The following TLE4 variants were observed in gnomAD, a reference collection of about 807,000 sequenced individuals.
TLE4 encodes TLE family member 4, transcriptional corepressor.
TLE4 carries 8 observed loss-of-function variants against 92.8 expected under a neutral mutation model. The observed-to-expected ratio is 0.09, with a 90% CI of 0.05 to 0.16. The LOEUF (loss-of-function observed/expected upper bound fraction) is 0.16, where lower values mean the gene tolerates loss of function less well. TLE4 is among the 10% of genes least tolerant of loss of function. The probability of loss-of-function intolerance (pLI) is 1.00; values close to 1 mark genes in which losing one functional copy is unlikely to be tolerated. For missense variants in TLE4, 675 were observed against 997.6 expected (o/e 0.68, Z 4.36); for synonymous variants, 371 against 374.1 (o/e 0.99, Z 0.10).
At chr9:79,582,315 T>A (rs1398855506) in intron 4 of TLE4, among the ~76,000 whole-genome samples, 1 of 152,202 alleles carries the variant, frequency 6.6e-6, no homozygotes, top group Non-Finnish European at 1.5e-5. Context: ...CCTTAATCCC[T>A]GCTGGATATT....
Position 79,573,683 on chromosome 9 carries a change from C to A in TLE4, c.46-6C>A. 1.3e-6 allele frequency: 2 copies of A among 1,591,360 alleles called. No individual in the cohort carries two copies. The highest frequency in any genetic ancestry group is 1.7e-6 in the Non-Finnish European group (2 of 1,163,646). On this transcript the variant is annotated splice_polypyrimidine_tract_variant and splice_region_variant and intron_variant, in intron 1 of 19. Transcript: ENST00000376552. The stretch of plus-strand genomic sequence containing the variant: ...GCTAATTAAATATTTTATTGTTGTT[C>A]TTCAGGCACCGCATCAGCCTGCTCA...
Position 79,708,172 on chromosome 9 carries a change from G to C in TLE4, c.991G>C (p.Asp331His). The C allele has an allele frequency of 6.2e-7, 1 of 1,614,092 alleles. No individual in the cohort carries two copies. Among genetic ancestry groups the C allele is most frequent in the Non-Finnish European group, 8.5e-7 (1 of 1,179,994 alleles). ...SKSNTPTPRT[D>H]APTPGSNSTP... ...GTCCAATACCCCTACTCCACGAACT[G>C]ATGCGCCCACCCCAGGCAGTAACTC... The change falls in exon 12 of 20, where the codon GAT (aspartate) becomes CAT (histidine). Residue 331 changes from aspartate (D) to histidine (H), a missense_variant. By Grantham distance (81) the Asp-to-His change is moderately conservative. Around this residue, in one of 5 missense-constraint regions of TLE4, gnomAD observed 280 missense variants for 287.3 expected, o/e 0.97. Transcript: ENST00000376552.
Position 79,572,243 on chromosome 9 carries a change from G to T in TLE4, c.-548G>T. 1 of 152,160 alleles carries T rather than the reference G, an allele frequency of 6.6e-6. No homozygotes were observed. Among genetic ancestry groups the T allele is most frequent in the East Asian group, 1.9e-4 (1 of 5,198 alleles). The allele number at this position is 152,160 out of a possible 1,614,324, so 9.4% of individuals were successfully genotyped here. A position where few individuals can be genotyped will look rare whatever the true frequency, so the allele number is the denominator to read the frequency against. ...GTGCCTTTTAAAAGATCGTTGCTGT[G>T]AAGTGAAAAAAATCTCCAGAGAAAC... On this transcript the variant is annotated 5_prime_UTR_variant, in exon 1 of 20. Coordinates refer to ENST00000376552, the MANE Select transcript of TLE4 (RefSeq NM_007005.6).
rs141444346 is a variant in TLE4 at position 79,622,449 on chromosome 9, T to G, written c.316-4925T>G. ...CCTCATTCTTCATCTACAGAATTCC[T>G]GGAAATCCTTCAGGTCTCAGTTGTC... On this transcript the variant is annotated intron_variant, in intron 5 of 19. Transcript: ENST00000376552. 2.9e-3 allele frequency among the ~76,000 whole-genome samples: 437 copies of G among 152,284 alleles called. 1 individual carries two copies. Among genetic ancestry groups the G allele is most frequent in the Middle Eastern group, 0.027 (8 of 294 alleles).
chr9:79,646,298 A>C (rs1161134760), intron 6 of TLE4, among the ~76,000 whole-genome samples: 1 of 152,190 alleles, frequency 6.6e-6, no homozygotes. Context: ...GGCAGAGGAC[A>C]GTTTTGACTT....
intron 8 of TLE4, among the ~76,000 whole-genome samples, chr9:79,676,514 G>A (rs1009757726): frequency 2.2e-4 from 33 of 152,290 alleles, no homozygotes; most frequent in African/African-American, 7.2e-4. Flanking sequence ...GGAGGGTCAG[G>A]AGGAGATGGC....
At chr9:79,602,130 T>A (rs1444113754) in intron 4 of TLE4, among the ~76,000 whole-genome samples, 1 of 152,174 alleles carries the variant, frequency 6.6e-6, no homozygotes, top group Non-Finnish European at 1.5e-5. Flanking sequence ...GAAGAAAGGT[T>A]TGAAGCTAGC....
chr9:79,632,473 C>T (rs2054554539), intron 6 of TLE4, among the ~76,000 whole-genome samples: 1 of 152,110 alleles, frequency 6.6e-6, no homozygotes, highest in Non-Finnish European at 1.5e-5. Flanking sequence ...CTCCACTTTC[C>T]CGGCAGACAC....
At chr9:79,615,597 C>T (rs531407015) in intron 5 of TLE4, among the ~76,000 whole-genome samples, 37 of 151,880 alleles carry the variant, frequency 2.4e-4, no homozygotes, top group African/African-American at 8.7e-4. Flanking sequence ...ATTAATATAC[C>T]TGCTTAATAT....
chr9:79,704,512 T>G, intron 8 of TLE4: 1 of 443,300 alleles, frequency 2.3e-6, no homozygotes. Flanking sequence ...ACCCTTTTTA[T>G]TTCCTCTCCT....
At chr9:79,611,332 C>T (rs1234040872) in intron 4 of TLE4, among the ~76,000 whole-genome samples, 1 of 152,010 alleles carries the variant, frequency 6.6e-6, no homozygotes, top group Non-Finnish European at 1.5e-5. Context: ...GGGTTTTTGT[C>T]CATACTGTTA....
In TLE4 at chr9:79,590,809, G is replaced by A. The variant is rs74692931; in HGVS notation, c.252+14632G>A. Among the ~76,000 whole-genome samples the A allele has an allele frequency of 1.7e-4, 26 of 152,200 alleles. No homozygotes were observed. In the East Asian group the frequency reaches 3.1e-3, roughly 18 times the overall value. On this transcript the variant is annotated intron_variant, in intron 4 of 19. Coordinates refer to ENST00000376552, the MANE Select transcript of TLE4 (RefSeq NM_007005.6). ...ACTTTCTTTCTGTTTGAGGCTCACC[G>A]TGCAAATTAACTTTCTAAACTGAAA...
chr9:79,710,729 T>C (rs1406781999), intron 14 of TLE4, among the ~76,000 whole-genome samples: 2 of 151,882 alleles, frequency 1.3e-5, no homozygotes, highest in Non-Finnish European at 2.9e-5. Flanking sequence ...AACCCTATTA[T>C]CCCTCTTTCC....
At chr9:79,637,663 C>T (rs1054861637) in intron 6 of TLE4, among the ~76,000 whole-genome samples, 4 of 152,192 alleles carry the variant, frequency 2.6e-5, no homozygotes, top group African/African-American at 9.7e-5. Flanking sequence ...ACTCTTGACT[C>T]ATACGTTGTT....
At position 79,720,189 on chromosome 9, in the gene TLE4, C is replaced by T. The variant is rs370370821; in HGVS notation, c.1734C>T (p.Pro578=). Residue 578 remains proline, a synonymous_variant, in exon 16 of 20, where the codon CCC becomes CCT. Coordinates refer to ENST00000376552, the MANE Select transcript of TLE4 (RefSeq NM_007005.6). The part of the protein sequence containing the change: ...RIKAELTSSA[P]ACYALAISPD... ...AGGCAGAGCTGACATCCTCGGCCCC[C>T]GCCTGCTATGCCCTGGCCATCAGCC... is the stretch of plus-strand genomic sequence containing the variant. 2.3e-5 allele frequency: 37 copies of T among 1,614,218 alleles called. 1 individual carries two copies. Among genetic ancestry groups the T allele is most frequent in the South Asian group, 4.4e-5 (4 of 91,088 alleles).
chr9:79,670,885 G>GT (rs546986923), intron 8 of TLE4, among the ~76,000 whole-genome samples: 63 of 150,780 alleles, frequency 4.2e-4, no homozygotes, highest in African/African-American at 1.5e-3. Context: ...TTTTTTGTTT[G>GT]TTTTTTTAGT....
intron 8 of TLE4, among the ~76,000 whole-genome samples, chr9:79,673,916 G>A (rs1255479623): frequency 6.6e-6 from 1 of 152,030 alleles, no homozygotes; most frequent in South Asian, 2.1e-4. Flanking sequence ...CTTCCTGGGG[G>A]GTGATTTTGT....
At chr9:79,652,861 C>G (rs373281323) in intron 7 of TLE4, 67 bp downstream of exon 7, 6 of 1,492,820 alleles carry the variant, frequency 4.0e-6, no homozygotes, top group Non-Finnish European at 5.6e-6. Context: ...GTTCTGGATG[C>G]TATTGTTTAT....
chr9:79,709,517 T>C, intron 13 of TLE4, 106 bp from the exon 14 acceptor site: 2 of 909,960 alleles, frequency 2.2e-6, no homozygotes, highest in South Asian at 3.3e-5. Context: ...AAAACCTTAT[T>C]TTTAAAGGAT....
Sources: gnomAD v4.1 joint callset for allele counts (sites outside exome capture counted in the v4.1 genomes callset) on GRCh38, gnomAD v4.1.1 for gene constraint, gnomAD v4.1.1 regional missense constraint, MANE v1.5 for transcripts, NCBI Gene and HGNC (gene_info 2026-07-23, HGNC 2026-07-21) for gene names.